DAB1: variants seen among roughly 807,000 people sequenced by gnomAD.
DAB1 encodes the protein disabled homolog 1.
Under a neutral mutation model 64.6 loss-of-function variants are expected in DAB1, and 15 were observed. The observed-to-expected ratio is 0.23, with a 90% CI of 0.16 to 0.36. The LOEUF (loss-of-function observed/expected upper bound fraction) is 0.36, where lower values mean the gene tolerates loss of function less well. Ranked by LOEUF, DAB1 falls within the 10% of genes least tolerant of loss-of-function variation. The pLI is 1.00. For missense variants in DAB1, 596 were observed against 706.7 expected (o/e 0.84, Z 1.78); for synonymous variants, 235 against 251.9 (o/e 0.93, Z 0.64).
intron 6 of DAB1, among the ~76,000 whole-genome samples, chr1:57,809,965 T>C (rs2101883191): frequency 6.6e-6 from 1 of 152,260 alleles, no homozygotes; most frequent in Non-Finnish European, 1.5e-5. Flanking sequence ...TATTAGGGCT[T>C]TCCAAATTTC....
chr1:57,439,418 G>GTTTTTTTTTTTTGTTTTTTTTTGTTT lies in DAB1; in HGVS notation n.626-148253_626-148252insAAACAAAAAAAAACAAAAAAAAAAAA. On this transcript the variant is annotated intron_variant and non_coding_transcript_variant, in intron 7 of 20. Coordinates refer to the DAB1 transcript ENST00000485760. ...GCCATGCCATCAACTTGGTGATGAGGTTTTTTCTTTTTTTTTTTTTTTTTT... is the reference window on the plus strand; with the variant it reads ...GCCATGCCATCAACTTGGTGATGAGGTTTTTTTTTTTTGTTTTTTTTTGTTTTTTTTTCTTTTTTTTTTTTTTTTTT... Among the ~76,000 whole-genome samples the GTTTTTTTTTTTTGTTTTTTTTTGTTT allele has an allele frequency of 4.6e-4, 54 of 116,158 alleles. 7 individuals are homozygous for GTTTTTTTTTTTTGTTTTTTTTTGTTT. In the East Asian group the frequency reaches 8.2e-3, roughly 18 times the overall value. The allele number at this position is 116,158 out of a possible 152,430, so 76.2% of individuals were successfully genotyped here.
chr1:57,751,094 T>C lies in DAB1; in HGVS notation n.552-101429A>G, dbSNP rs571063530. 2.0e-5 allele frequency among the ~76,000 whole-genome samples: 3 copies of C among 152,252 alleles called. No individual in the cohort carries two copies. The East Asian group carries it at 5.8e-4, about 29-fold the overall frequency. On this transcript the variant is annotated intron_variant and non_coding_transcript_variant, in intron 6 of 20. Coordinates refer to the DAB1 transcript ENST00000485760. ...AGCTGATTGGATACTGCTGAGCACCTGGTCCTATGGTACACAATCCAAAGG... is the reference window on the plus strand; with the variant it reads ...AGCTGATTGGATACTGCTGAGCACCCGGTCCTATGGTACACAATCCAAAGG...
At chr1:58,344,102 C>T (rs35813435) in intron 3 of DAB1, among the ~76,000 whole-genome samples, 25,402 of 151,912 alleles carry the variant, frequency 0.17, 2,199 homozygotes, top group Non-Finnish European at 0.18. Flanking sequence ...TGCTATGCCA[C>T]TTCCTACCTA....
chr1:58,062,167 C>T lies in DAB1; in HGVS notation n.387+88344G>A, dbSNP rs547455656. On this transcript the variant is annotated intron_variant and non_coding_transcript_variant, in intron 5 of 20. Transcript: ENST00000485760. ...CTCCTCACTGCCCTCCAATAACACT[C>T]GCAGTTTGTCTTATGTAGCATAAGT... Among the ~76,000 whole-genome samples, 13 of 152,284 alleles carry T rather than the reference C, an allele frequency of 8.5e-5. No individual in the cohort carries two copies. The South Asian group carries it at 1.9e-3, about 22-fold the overall frequency.
chr1:58,223,018 T>C (rs1489962851), intron 4 of DAB1, among the ~76,000 whole-genome samples: 2 of 152,150 alleles, frequency 1.3e-5, no homozygotes, highest in Non-Finnish European at 2.9e-5. Context: ...AGACTCCCCA[T>C]AGCACTTACC....
chr1:57,677,005 C>T (rs1298155290), intron 6 of DAB1, among the ~76,000 whole-genome samples: 1 of 152,094 alleles, frequency 6.6e-6, no homozygotes, highest in African/African-American at 2.4e-5. Context: ...GGAGATAGGG[C>T]TGACAAGAAG....
chr1:57,775,765 T>A (rs723572), intron 6 of DAB1, among the ~76,000 whole-genome samples: 3 of 151,278 alleles, frequency 2.0e-5, no homozygotes, highest in Non-Finnish European at 3.0e-5. Context: ...GATTTTTTTA[T>A]CTATTTATCT....
intron 4 of DAB1, among the ~76,000 whole-genome samples, chr1:57,108,608 C>T (rs1050236224): frequency 2.0e-5 from 3 of 152,170 alleles, no homozygotes; most frequent in African/African-American, 7.2e-5. Context: ...TTAAGACAAC[C>T]TTCTCAATGT....
chr1:57,252,271 T>C (rs757084549), intron 2 of DAB1, among the ~76,000 whole-genome samples: 1 of 152,268 alleles, frequency 6.6e-6, no homozygotes, highest in East Asian at 1.9e-4. Context: ...AGCAGGTGGA[T>C]GAAATTTCAG....
At chr1:57,673,400 C>T (rs1290814490) in intron 6 of DAB1, among the ~76,000 whole-genome samples, 1 of 152,088 alleles carries the variant, frequency 6.6e-6, no homozygotes, top group African/African-American at 2.4e-5. Context: ...CCATTGCATA[C>T]TTCTCTGCTC....
chr1:58,327,663 A>T (rs1475295305), intron 4 of DAB1, among the ~76,000 whole-genome samples: 1 of 152,088 alleles, frequency 6.6e-6, no homozygotes, highest in Non-Finnish European at 1.5e-5. Context: ...AGTGACATTT[A>T]AGTTAGGCCT....
intron 6 of DAB1, among the ~76,000 whole-genome samples, chr1:57,716,644 A>G (rs1184242267): frequency 6.6e-6 from 1 of 152,222 alleles, no homozygotes; most frequent in Non-Finnish European, 1.5e-5. Flanking sequence ...AAGAAAACAC[A>G]GGGGAAATAT....
chr1:58,313,568 G>T (rs1662476824), intron 4 of DAB1, among the ~76,000 whole-genome samples: 1 of 152,086 alleles, frequency 6.6e-6, no homozygotes, highest in Non-Finnish European at 1.5e-5. Context: ...GTGTTTCTTT[G>T]CCTCTCCAGG....
intron 2 of DAB1, chr1:58,506,360 A>G: frequency 3.7e-6 from 2 of 540,132 alleles, no homozygotes; most frequent in Middle Eastern, 5.1e-4. Flanking sequence ...ATACGTATAC[A>G]TGTGCCATGT....
At chr1:57,588,422 A>G (rs1242330829) in intron 7 of DAB1, among the ~76,000 whole-genome samples, 1 of 152,244 alleles carries the variant, frequency 6.6e-6, no homozygotes, top group Non-Finnish European at 1.5e-5. Flanking sequence ...GGACATCCAC[A>G]TTACTATAAA....
chr1:58,237,328 G>A (rs1660087041), intron 4 of DAB1, among the ~76,000 whole-genome samples: 1 of 152,204 alleles, frequency 6.6e-6, no homozygotes, highest in Admixed American at 6.5e-5. Context: ...ACTATGCTGG[G>A]AGGTTGGCAC....
chr1:58,021,612 G>A (rs1646816054), intron 5 of DAB1, among the ~76,000 whole-genome samples: 1 of 152,196 alleles, frequency 6.6e-6, no homozygotes, highest in Admixed American at 6.5e-5. Flanking sequence ...AGTACCTACA[G>A]TTGGAAAAAT....
chr1:57,604,554 T>A (rs1195894398), intron 7 of DAB1, among the ~76,000 whole-genome samples: 1 of 152,196 alleles, frequency 6.6e-6, no homozygotes, highest in Non-Finnish European at 1.5e-5. Flanking sequence ...ACTTCTCCGA[T>A]GTACTTTTAT....
chr1:57,705,710 T>C (rs921951051), intron 6 of DAB1, among the ~76,000 whole-genome samples: 1 of 152,166 alleles, frequency 6.6e-6, no homozygotes, highest in Non-Finnish European at 1.5e-5. Flanking sequence ...TTTTGCCTAA[T>C]ATTGTAGATC....
Sources: gnomAD v4.1 joint callset for allele counts (sites outside exome capture counted in the v4.1 genomes callset) on GRCh38, gnomAD v4.1.1 for gene constraint, MANE v1.5 for transcripts, NCBI Gene and HGNC (gene_info 2026-07-23, HGNC 2026-07-21) for gene names.